The following CEMIP variants were observed in gnomAD, a reference collection of about 807,000 sequenced individuals.
CEMIP encodes cell migration inducing hyaluronidase 1.
In CEMIP, 105 loss-of-function variants were observed where a neutral mutation model predicts 156.9. The ratio of observed to expected loss-of-function variants is 0.67; its 90% confidence interval spans 0.57 to 0.79. CEMIP has a LOEUF of 0.79. CEMIP is among the 30% of genes least tolerant of loss of function. The probability of loss-of-function intolerance (pLI) is 0.00; values close to 1 mark genes in which losing one functional copy is unlikely to be tolerated. For synonymous variants in CEMIP, 676 were observed against 668.4 expected (o/e 1.01, Z -0.17); for missense variants, 1,457 against 1,769.4 (o/e 0.82, Z 3.17).
chr15:80,805,449 G>C (rs1216408622), intron 1 of CEMIP, among the ~76,000 whole-genome samples: 1 of 152,138 alleles, frequency 6.6e-6, no homozygotes, highest in Non-Finnish European at 1.5e-5. Context: ...ACTAAGTTAG[G>C]TGTTTAAAAA....
chr15:80,931,296 C>G (rs1236804319), intron 21 of CEMIP, among the ~76,000 whole-genome samples: 1 of 152,114 alleles, frequency 6.6e-6, no homozygotes, highest in East Asian at 1.9e-4. Flanking sequence ...TCCTTTTCCC[C>G]TCTGTTTCCC....
In CEMIP at chr15:80,889,599, A is replaced by G; in HGVS notation, c.1086+7A>G. 1 of 1,614,064 alleles carries G rather than the reference A, an allele frequency of 6.2e-7. No individual in the cohort carries two copies. The highest frequency in any genetic ancestry group is 8.5e-7 in the Non-Finnish European group (1 of 1,179,964). On this transcript the variant is annotated splice_region_variant and intron_variant, in intron 10 of 29. Coordinates refer to ENST00000394685, the MANE Select transcript of CEMIP (RefSeq NM_001293298.2). ...TCGTCCCATTGATATACAGGTACCAAACTCACAGCAAAAATAGAAAATAGA... is the reference window on the plus strand; with the variant it reads ...TCGTCCCATTGATATACAGGTACCAGACTCACAGCAAAAATAGAAAATAGA...
intron 1 of CEMIP, among the ~76,000 whole-genome samples, chr15:80,785,172 A>C (rs373689440): frequency 6.6e-6 from 1 of 152,216 alleles, no homozygotes; most frequent in Admixed American, 6.5e-5. Context: ...GAGGCATTTG[A>C]ATGTAATTTT....
At chr15:80,866,922 C>T (rs1475858810) in intron 1 of CEMIP, among the ~76,000 whole-genome samples, 1 of 152,018 alleles carries the variant, frequency 6.6e-6, no homozygotes, top group East Asian at 1.9e-4. Context: ...CCTCTCTCGC[C>T]TTTCCTCCCA....
chr15:80,828,604 A>G (rs1897091074), intron 1 of CEMIP, among the ~76,000 whole-genome samples: 1 of 152,238 alleles, frequency 6.6e-6, no homozygotes, highest in African/African-American at 2.4e-5. Flanking sequence ...TTCTTATATA[A>G]TGAATTTTTT....
intron 1 of CEMIP, among the ~76,000 whole-genome samples, chr15:80,794,713 GT>G (rs1596092926): frequency 6.6e-6 from 1 of 152,284 alleles, no homozygotes; most frequent in East Asian, 1.9e-4. Flanking sequence ...GACCTGCCAT[GT>G]TTCCCGTGCT....
At chr15:80,934,825 G>C (rs1270090132) in intron 23 of CEMIP, among the ~76,000 whole-genome samples, 2 of 152,238 alleles carry the variant, frequency 1.3e-5, no homozygotes, top group Non-Finnish European at 1.5e-5. Flanking sequence ...AGACAGGGCA[G>C]AGGGCAGGAA....
intron 1 of CEMIP, among the ~76,000 whole-genome samples, chr15:80,815,605 C>T (rs1288196231): frequency 6.6e-6 from 1 of 151,560 alleles, no homozygotes; most frequent in Non-Finnish European, 1.5e-5. Flanking sequence ...CCTTCCTTCC[C>T]TCCCTCATTC....
At chr15:80,795,248 GT>G (rs577755472) in intron 1 of CEMIP, among the ~76,000 whole-genome samples, 156 of 152,008 alleles carry the variant, frequency 1.0e-3, no homozygotes, top group African/African-American at 3.6e-3. Flanking sequence ...TGATTTTTCT[GT>G]TTTTTTTAAA....
In CEMIP at chr15:80,895,996, C is replaced by T. The variant is rs760921708; in HGVS notation, c.1347C>T (p.Tyr449=). 26 of 1,614,060 alleles carry T rather than the reference C, an allele frequency of 1.6e-5. No individual in the cohort carries two copies. In the South Asian group the frequency reaches 2.7e-4, roughly 17 times the overall value. The part of the protein sequence containing the change: ...LVIASTDYSM[Y]QAEEFQVLPC... ...TTGCCAGTACTGATTACTCCATGTA[C>T]CAGGCAGAAGAGTTCCAGGTGCTTC... Residue 449 remains tyrosine (Y), a synonymous_variant, in exon 12 of 30, where the codon TAC becomes TAT. Transcript: ENST00000394685.
intron 1 of CEMIP, among the ~76,000 whole-genome samples, chr15:80,856,368 A>T (rs79942945): frequency 0.016 from 2,484 of 152,328 alleles, 75 homozygotes; most frequent in African/African-American, 0.057. Flanking sequence ...TCTTCACTTT[A>T]CTGTGAAATG....
chr15:80,897,458 C>A (rs1899280477), intron 12 of CEMIP: 2 of 410,692 alleles, frequency 4.9e-6, no homozygotes, highest in Non-Finnish European at 4.9e-6. Context: ...ACAAACAATG[C>A]AGCTGTGATG....
At chr15:80,845,942 C>G (rs565226769) in intron 1 of CEMIP, among the ~76,000 whole-genome samples, 1 of 152,346 alleles carries the variant, frequency 6.6e-6, no homozygotes, top group African/African-American at 2.4e-5. Flanking sequence ...CCTCCTGACA[C>G]ACCCACCTCA....
Position 80,949,151 on chromosome 15 carries a change from A to G in CEMIP, c.*227A>G. The G allele has an allele frequency of 1.7e-6, 1 of 599,564 alleles. No individual in the cohort carries two copies. Among genetic ancestry groups the G allele is most frequent in the South Asian group, 1.9e-5 (1 of 53,344 alleles). 37.1% of individuals were successfully genotyped at this position (599,564 alleles called of 1,614,324 possible). A position where few individuals can be genotyped will look rare whatever the true frequency, so the allele number is the denominator to read the frequency against. On this transcript the variant is annotated 3_prime_UTR_variant, in exon 30 of 30. Coordinates refer to ENST00000394685, the MANE Select transcript of CEMIP (RefSeq NM_001293298.2). ...CTGGGGCGGTGCTGGCCAATGCTGGAAACATTCACTTTCCTGCAGCCTCTT... is the reference window on the plus strand; with the variant it reads ...CTGGGGCGGTGCTGGCCAATGCTGGGAACATTCACTTTCCTGCAGCCTCTT...
At chr15:80,856,886 C>G (rs552640696) in intron 1 of CEMIP, among the ~76,000 whole-genome samples, 3 of 152,180 alleles carry the variant, frequency 2.0e-5, no homozygotes, top group Admixed American at 1.3e-4. Flanking sequence ...CACCTGCGTG[C>G]AGGGATCCAG....
At chr15:80,830,419 A>T (rs1358889177) in intron 1 of CEMIP, among the ~76,000 whole-genome samples, 1 of 152,174 alleles carries the variant, frequency 6.6e-6, no homozygotes, top group Admixed American at 6.5e-5. Context: ...AAGAGCCAGG[A>T]CTGGCATGCC....
chr15:80,909,648 G>A (rs1360065771), intron 14 of CEMIP: 1 of 470,548 alleles, frequency 2.1e-6, no homozygotes, highest in Non-Finnish European at 4.2e-6. Flanking sequence ...CAGACAGGGG[G>A]ATCATGCGAA....
chr15:80,875,397 T>C (rs1177508578), intron 3 of CEMIP, among the ~76,000 whole-genome samples: 1 of 152,188 alleles, frequency 6.6e-6, no homozygotes, highest in Non-Finnish European at 1.5e-5. Flanking sequence ...TATTCATTTG[T>C]CTTTCTTTCA....
chr15:80,884,263 G>C lies in CEMIP; in HGVS notation c.706G>C (p.Val236Leu), dbSNP rs1208003857. The part of the protein sequence containing the change: ...VPDGRILSVA[V>L]NDEGSRNLDD... Reference sequence around the variant, plus strand: ...CGATGGCAGGATCCTTTCTGTTGCAGTGAATGATGAAGGTTCTCGAAATCT... The same window carrying C: ...CGATGGCAGGATCCTTTCTGTTGCACTGAATGATGAAGGTTCTCGAAATCT... Residue 236 changes from valine (V) to leucine (L), a missense_variant, in exon 7 of 30, where the codon GTG becomes CTG. By Grantham distance (32) the Val-to-Leu change is conservative. Around this residue, in one of 5 missense-constraint regions of CEMIP, gnomAD observed 309 missense variants for 340.8 expected, o/e 0.91. Transcript: ENST00000394685. 1 of 1,614,132 alleles carries C rather than the reference G, an allele frequency of 6.2e-7. No homozygotes were observed. The highest frequency in any genetic ancestry group is 8.5e-7 in the Non-Finnish European group (1 of 1,180,052).
Sources: allele counts gnomAD v4.1 joint callset (sites outside exome capture counted in the v4.1 genomes callset), GRCh38; gene constraint gnomAD v4.1.1; regional missense constraint gnomAD v4.1.1; transcripts MANE v1.5; gene names NCBI Gene and HGNC (gene_info 2026-07-23, HGNC 2026-07-21).